Variants in CHD1L observed in about 807,000 individuals in gnomAD.
CHD1L encodes chromodomain helicase DNA binding protein 1 like, also known as ATP-dependent chromatin remodeler CHD1L.
A neutral mutation model predicts 115.9 loss-of-function variants in CHD1L; 118 were observed. The observed-to-expected ratio is 1.02, with a 90% confidence interval of 0.88 to 1.19. CHD1L has a LOEUF of 1.19. Among genes scored for constraint, CHD1L ranks in the 50% most tolerant of loss-of-function variants. The pLI, the probability that CHD1L is intolerant of heterozygous loss-of-function variation, is 0.00. For synonymous variants in CHD1L, 411 were observed against 387.1 expected, an observed-to-expected ratio of 1.06 and a Z score of -0.72; for missense variants, 1,179 against 1,065.3, an observed-to-expected ratio of 1.11 and a Z score of -1.49.
chr1:147,238,693 T>C (rs1044981733), upstream of CHD1L, among the ~76,000 whole-genome samples: 1 of 152,202 alleles, frequency 6.6e-6, no homozygotes, highest in Non-Finnish European at 1.5e-5. Context: ...TGAAATGCAC[T>C]CTCTGTACTT....
intron 1 of CHD1L, among the ~76,000 whole-genome samples, chr1:147,247,119 G>C (rs1055641210): frequency 6.6e-6 from 1 of 152,152 alleles, no homozygotes; most frequent in African/African-American, 2.4e-5. Flanking sequence ...CAAGTGTTGA[G>C]AGATTTGCCT....
the CHD1L span, chr1:147,212,575 C>T: frequency 6.4e-7 from 1 of 1,563,314 alleles, no homozygotes; most frequent in Non-Finnish European, 8.7e-7. Context: ...TAATGGTTTA[C>T]ATGATAGATA....
At chr1:147,226,573 G>A in the CHD1L span, among the ~76,000 whole-genome samples, 1 of 152,148 alleles carries the variant, frequency 6.6e-6, no homozygotes, top group South Asian at 2.1e-4. Context: ...CAGGCACTGG[G>A]TTAGAACAAG....
At chr1:147,233,685 G>A in the CHD1L span, among the ~76,000 whole-genome samples, 2,331 of 152,230 alleles carry the variant, frequency 0.015, 31 homozygotes, top group Non-Finnish European at 0.026. Context: ...TTGAGAAATC[G>A]GATGGTTGCC....
the CHD1L span, chr1:147,172,798 A>G: frequency 1.3e-5 from 2 of 152,238 alleles, no homozygotes; most frequent in African/African-American, 4.8e-5. Flanking sequence ...GACGTCCCCA[A>G]ATGACACTCG....
the CHD1L span, among the ~76,000 whole-genome samples, chr1:147,199,296 G>A: frequency 2.0e-5 from 3 of 152,124 alleles, no homozygotes; most frequent in African/African-American, 7.2e-5. Context: ...GGATAATTCA[G>A]GGAAGAGAAA....
At chr1:147,191,163 T>A in the CHD1L span, among the ~76,000 whole-genome samples, 7 of 152,298 alleles carry the variant, frequency 4.6e-5, no homozygotes, top group African/African-American at 1.4e-4. Context: ...TGTGTCTTTA[T>A]AGCAGCATGA....
chr1:147,189,756 G>C, the CHD1L span, among the ~76,000 whole-genome samples: 1 of 152,150 alleles, frequency 6.6e-6, no homozygotes, highest in African/African-American at 2.4e-5. Context: ...TGCCAGCAAA[G>C]CGGCCACTGC....
At chr1:147,196,411 G>C in the CHD1L span, among the ~76,000 whole-genome samples, 3 of 151,766 alleles carry the variant, frequency 2.0e-5, no homozygotes, top group Non-Finnish European at 4.4e-5. Context: ...ACAACCACAA[G>C]TTTTACTTCT....
In CHD1L at chr1:147,255,859, G is replaced by A; in HGVS notation, c.394G>A (p.Glu132Lys). The change falls in exon 4 of 23, where the codon GAA becomes AAA. Residue 132 changes from glutamate (E) to lysine (K), a missense_variant. Physicochemically the swap from Glu to Lys is moderately conservative, Grantham distance 56. Coordinates refer to ENST00000369258, the MANE Select transcript of CHD1L (RefSeq NM_004284.6). Reference sequence around the variant, plus strand: ...TGTAACATATGCAGGCGACAAGGAGGAAAGAGCCTGCCTTCAGCAAGACCT... The same window carrying A: ...TGTAACATATGCAGGCGACAAGGAGAAAAGAGCCTGCCTTCAGCAAGACCT... ...SCVTYAGDKE[E>K]RACLQQDLKQ... The A allele has an allele frequency of 6.2e-7, 1 of 1,613,838 alleles. No homozygotes were observed. Among genetic ancestry groups the A allele is most frequent in the Non-Finnish European group, 8.5e-7 (1 of 1,179,822 alleles).
intron 6 of CHD1L, among the ~76,000 whole-genome samples, chr1:147,261,412 T>TTTTTTA (rs1173271515): frequency 3.4e-5 from 5 of 147,378 alleles, no homozygotes; most frequent in Admixed American, 2.0e-4. Flanking sequence ...TTTTTTTTTT[T>TTTTTTA]TATATATAAA....
upstream of CHD1L, among the ~76,000 whole-genome samples, chr1:147,242,441 G>T (rs72997588): frequency 0.017 from 2,620 of 152,310 alleles, 78 homozygotes; most frequent in African/African-American, 0.06. Flanking sequence ...GCAATCAGAC[G>T]TCCTGTGCGT....
the CHD1L span, chr1:147,201,389 C>T: frequency 5.0e-6 from 8 of 1,614,098 alleles, no homozygotes; most frequent in Non-Finnish European, 6.8e-6. Context: ...CTGGAGCCAT[C>T]CTCAAATATG....
In CHD1L at chr1:147,286,407, C is replaced by A; in HGVS notation, c.2128C>A (p.Gln710Lys). ...AGAGAGCTCTGCTGAGCTGGATTACCAAGACCCAGATGCTACTTCCCTCAA... is the reference window on the plus strand; with the variant it reads ...AGAGAGCTCTGCTGAGCTGGATTACAAAGACCCAGATGCTACTTCCCTCAA... The part of the protein sequence containing the change: ...GEESSAELDY[Q>K]DPDATSLKYV... The change falls in exon 18 of 23, where the codon CAA becomes AAA. Residue 710 changes from glutamine to lysine, a missense_variant. By Grantham distance (53) the Gln-to-Lys change is moderately conservative. Transcript: ENST00000369258. 1 of 1,614,140 alleles carries A rather than the reference C, an allele frequency of 6.2e-7. No individual in the cohort carries two copies. The highest frequency in any genetic ancestry group is 8.5e-7 in the Non-Finnish European group (1 of 1,180,036).
chr1:147,212,463 C>G, the CHD1L span: 5 of 1,613,856 alleles, frequency 3.1e-6, no homozygotes, highest in Non-Finnish European at 4.2e-6. Context: ...TATAATGACT[C>G]TCTTTCCAGT....
chr1:147,254,704 G>A (rs1036554943), intron 2 of CHD1L, among the ~76,000 whole-genome samples, 166 bp from the exon 3 acceptor site: 1 of 152,114 alleles, frequency 6.6e-6, no homozygotes, highest in Non-Finnish European at 1.5e-5. Flanking sequence ...ACATGATTTC[G>A]CTCTACGAAT....
rs782736815 is a variant in CHD1L, at chr1:147,242,728, C to T, written c.25C>T (p.Arg9Cys). 64 of 1,258,582 alleles carry T rather than the reference C, an allele frequency of 5.1e-5. No individual in the cohort carries two copies. Among genetic ancestry groups the T allele is most frequent in the Non-Finnish European group, 5.9e-5 (59 of 996,798 alleles). 78.0% of individuals were successfully genotyped at this position (1,258,582 alleles called of 1,614,324 possible). A position where few individuals can be genotyped will look rare whatever the true frequency, so the allele number is the denominator to read the frequency against. ...GATGGAGCGCGCGGGCGCTACTAGC[C>T]GCGGGGGCCAAGCCCCTGGCTTCTT... is the stretch of plus-strand genomic sequence containing the variant. MERAGATS[R>C]GGQAPGFLLR... The change falls in exon 1 of 23, where the codon CGC becomes TGC. Residue 9 changes from arginine (R) to cysteine (C), a missense_variant. By Grantham distance (180) the Arg-to-Cys change is radical. Coordinates refer to ENST00000369258, the MANE Select transcript of CHD1L (RefSeq NM_004284.6).
At chr1:147,259,326 T>C (rs11802302) in intron 5 of CHD1L, 4,510 of 152,498 alleles carry the variant, frequency 0.03, 216 homozygotes, top group African/African-American at 0.1. Flanking sequence ...TGCTCACCAC[T>C]TACCCATTTT....
the CHD1L span, among the ~76,000 whole-genome samples, chr1:147,233,359 G>A: frequency 4.2e-4 from 63 of 149,270 alleles, no homozygotes; most frequent in African/African-American, 1.3e-3. Flanking sequence ...CAGCCGCCCC[G>A]TCCGGGAGGG....
Sources: allele counts gnomAD v4.1 joint callset (sites outside exome capture counted in the v4.1 genomes callset), GRCh38; gene constraint gnomAD v4.1.1; transcripts MANE v1.5; gene names NCBI Gene and HGNC (gene_info 2026-07-23, HGNC 2026-07-21).